XKR4: variants seen among roughly 807,000 people sequenced by gnomAD.
The protein encoded by XKR4 is XK-related protein 4.
A neutral mutation model predicts 53.9 loss-of-function variants in XKR4; 12 were observed. The ratio of observed to expected loss-of-function variants is 0.22; its 90% confidence interval spans 0.14 to 0.36. The LOEUF is 0.36. Ranked by LOEUF, XKR4 falls within the 10% of genes least tolerant of loss-of-function variation. The pLI, the probability that XKR4 is intolerant of heterozygous loss-of-function variation, is 1.00. For synonymous variants in XKR4, 354 were observed against 362.4 expected (o/e 0.98, Z 0.26); for missense variants, 799 against 859.5 (o/e 0.93, Z 0.88).
At chr8:55,229,832 C>T (rs1818006857) in intron 1 of XKR4, among the ~76,000 whole-genome samples, 1 of 152,054 alleles carries the variant, frequency 6.6e-6, no homozygotes, top group African/African-American at 2.4e-5. Context: ...TCTACCATAT[C>T]CTCAAAGCCG....
chr8:55,525,524 T>C lies in XKR4; in HGVS notation c.*1297T>C, dbSNP rs1040082221. Reference sequence around the variant, plus strand: ...TATCACTATATCCAGCTAAGATTTGTATTTGAATCATCTGTAAAGTCGCAC... The same window carrying C: ...TATCACTATATCCAGCTAAGATTTGCATTTGAATCATCTGTAAAGTCGCAC... On this transcript the variant is annotated 3_prime_UTR_variant, in exon 3 of 3. Transcript: ENST00000327381. 1 of 152,626 alleles carries C rather than the reference T, an allele frequency of 6.6e-6. No homozygotes were observed. The highest frequency in any genetic ancestry group is 2.4e-5 in the African/African-American group (1 of 41,452). The allele number at this position is 152,626 out of a possible 1,614,324, so 9.5% of individuals were successfully genotyped here.
At chr8:55,202,920 C>T (rs1563481827) in intron 1 of XKR4, among the ~76,000 whole-genome samples, 2 of 152,160 alleles carry the variant, frequency 1.3e-5, no homozygotes, top group East Asian at 3.9e-4. Context: ...ACACCCTGAC[C>T]TTTAGGGAGA....
intron 1 of XKR4, among the ~76,000 whole-genome samples, chr8:55,191,197 C>T (rs1817440161): frequency 6.6e-6 from 1 of 152,118 alleles, no homozygotes; most frequent in African/African-American, 2.4e-5. Context: ...ATAAAGACCA[C>T]CTCCACCTCC....
chr8:55,196,699 C>G (rs1291520245), intron 1 of XKR4, among the ~76,000 whole-genome samples: 1 of 151,744 alleles, frequency 6.6e-6, no homozygotes, highest in East Asian at 1.9e-4. Context: ...AGGAAAGAAT[C>G]CAAAAAAAGC....
chr8:55,367,941 C>T (rs768240347), intron 2 of XKR4, among the ~76,000 whole-genome samples: 52 of 151,886 alleles, frequency 3.4e-4, no homozygotes, highest in African/African-American at 1.1e-3. Context: ...CATAGCGATG[C>T]GTTTTGTTTT....
intron 2 of XKR4, among the ~76,000 whole-genome samples, chr8:55,426,373 GCTCT>G (rs138919134): frequency 8.7e-5 from 13 of 149,352 alleles, no homozygotes; most frequent in African/African-American, 2.7e-4. Context: ...GCTCACTTGC[GCTCT>G]CTCTCTCTCT....
chr8:55,409,041 G>T (rs1804736966), intron 2 of XKR4, among the ~76,000 whole-genome samples: 2 of 151,476 alleles, frequency 1.3e-5, no homozygotes, highest in African/African-American at 2.4e-5. Context: ...CACAGCACCA[G>T]GAGGGGAGTG....
At chr8:55,257,360 T>C (rs185073315) in intron 1 of XKR4, among the ~76,000 whole-genome samples, 5 of 150,500 alleles carry the variant, frequency 3.3e-5, no homozygotes, top group Admixed American at 2.6e-4. Context: ...AAGAGAAAGA[T>C]GGAGGCAGAA....
chr8:55,289,661 A>G (rs1371268376), intron 1 of XKR4, among the ~76,000 whole-genome samples: 3 of 93,950 alleles, frequency 3.2e-5, no homozygotes, highest in East Asian at 6.8e-4. Context: ...AAGGAAGGAA[A>G]AGAAAAGAAA....
At chr8:55,252,517 G>A (rs1224249890) in intron 1 of XKR4, among the ~76,000 whole-genome samples, 5 of 152,232 alleles carry the variant, frequency 3.3e-5, no homozygotes, top group Middle Eastern at 3.4e-3. Context: ...ACAAGACGCC[G>A]CCCGACCTTG....
intron 2 of XKR4, among the ~76,000 whole-genome samples, chr8:55,408,243 T>A (rs1410814728): frequency 6.6e-6 from 1 of 152,236 alleles, no homozygotes; most frequent in Non-Finnish European, 1.5e-5. Context: ...TTAATCCTCC[T>A]AACGACCCTT....
intron 1 of XKR4, among the ~76,000 whole-genome samples, chr8:55,261,887 TAA>T (rs879520449): frequency 1.4e-3 from 215 of 148,826 alleles, no homozygotes; most frequent in Middle Eastern, 3.5e-3. Flanking sequence ...CTTTTTTTTT[TAA>T]AAAAAAGTAT....
At chr8:55,495,568 C>G (rs58023456) in intron 2 of XKR4, among the ~76,000 whole-genome samples, 8,030 of 152,258 alleles carry the variant, frequency 0.053, 602 homozygotes, top group East Asian at 0.28. Flanking sequence ...CTTCCAGGGT[C>G]GTGGGCTCCA....
At chr8:55,353,670 C>T (rs141561050) in intron 1 of XKR4, among the ~76,000 whole-genome samples, 2,680 of 152,248 alleles carry the variant, frequency 0.018, 38 homozygotes, top group Non-Finnish European at 0.028. Flanking sequence ...TGGTGATGAT[C>T]GAATGGAGAC....
chr8:55,375,680 T>C (rs1804134703), intron 2 of XKR4, among the ~76,000 whole-genome samples: 1 of 151,958 alleles, frequency 6.6e-6, no homozygotes, highest in South Asian at 2.1e-4. Context: ...TTGAAAATAA[T>C]ATTTATGAGG....
intron 1 of XKR4, among the ~76,000 whole-genome samples, chr8:55,171,369 T>C (rs940201483): frequency 6.6e-6 from 1 of 152,236 alleles, no homozygotes; most frequent in East Asian, 1.9e-4. Flanking sequence ...GGCAAGCTGG[T>C]GCTTGAACCC....
chr8:55,272,272 A>G (rs1818702771), intron 1 of XKR4, among the ~76,000 whole-genome samples: 1 of 152,220 alleles, frequency 6.6e-6, no homozygotes, highest in African/African-American at 2.4e-5. Flanking sequence ...TTTATTAAAA[A>G]ATAAAATTCA....
chr8:55,215,524 C>A (rs1817787316), intron 1 of XKR4, among the ~76,000 whole-genome samples: 1 of 152,102 alleles, frequency 6.6e-6, no homozygotes, highest in Non-Finnish European at 1.5e-5. Flanking sequence ...CAACTAGGAT[C>A]AAATTGGATT....
chr8:55,465,700 A>G (rs537655577), intron 2 of XKR4, among the ~76,000 whole-genome samples: 1,612 of 152,128 alleles, frequency 0.011, 31 homozygotes, highest in African/African-American at 0.037. Context: ...TGAACAGGCA[A>G]CCTACAGAAT....
Sources: gnomAD v4.1 joint callset for allele counts (sites outside exome capture counted in the v4.1 genomes callset) on GRCh38, gnomAD v4.1.1 for gene constraint, MANE v1.5 for transcripts, NCBI Gene and HGNC (gene_info 2026-07-23, HGNC 2026-07-21) for gene names.